Variants in PDE8A observed in about 807,000 individuals in gnomAD.
PDE8A encodes high affinity cAMP-specific and IBMX-insensitive 3',5'-cyclic phosphodiesterase 8A.
PDE8A carries 59 observed loss-of-function variants against 105.0 expected under a neutral mutation model. That is an observed-to-expected ratio of 0.56 (90% confidence interval 0.46 to 0.70). The LOEUF (loss-of-function observed/expected upper bound fraction) is 0.70. PDE8A is among the 30% of genes least tolerant of loss of function. The pLI is 0.00. For synonymous variants in PDE8A, 355 were observed against 371.9 expected, an observed-to-expected ratio of 0.95 and a Z score of 0.52; for missense variants, 1,014 against 1,045.9, an observed-to-expected ratio of 0.97 and a Z score of 0.42.
At position 85,121,620 on chromosome 15, in the gene PDE8A, A is replaced by C. The variant is rs995676816; in HGVS notation, c.1952+606A>C. Among the ~76,000 whole-genome samples, 3 of 149,160 alleles carry C rather than the reference A, an allele frequency of 2.0e-5. No homozygotes were observed. In the East Asian group the frequency reaches 6.2e-4, roughly 31 times the overall value. On this transcript the variant is annotated intron_variant, in intron 18 of 21. Transcript: ENST00000394553. ...ACAGTGCTTGGTACATACTAGAGCG[A>C]GACCCTGTCTCAAAATAATAATAAC...
At chr15:85,035,758 T>G (rs1313419700) in intron 1 of PDE8A, among the ~76,000 whole-genome samples, 1 of 152,256 alleles carries the variant, frequency 6.6e-6, no homozygotes, top group East Asian at 1.9e-4. Flanking sequence ...ATATATTTTG[T>G]TTTTGGAAGT....
intron 17 of PDE8A, 67 bp downstream of exon 17, chr15:85,117,906 T>A: frequency 8.1e-7 from 1 of 1,227,610 alleles, no homozygotes; most frequent in Non-Finnish European, 1.2e-6. Flanking sequence ...TGCTTCTGCC[T>A]CCACTAAGAT....
chr15:85,070,520 T>A (rs959567692), intron 3 of PDE8A, among the ~76,000 whole-genome samples: 19 of 152,148 alleles, frequency 1.2e-4, no homozygotes, highest in Non-Finnish European at 2.8e-4. Context: ...AAAGAGGGCT[T>A]CGCAAGAGGA....
chr15:85,107,546 G>C (rs1256091474), intron 11 of PDE8A, among the ~76,000 whole-genome samples: 1 of 152,206 alleles, frequency 6.6e-6, no homozygotes, highest in African/African-American at 2.4e-5. Context: ...ATAGACTGGA[G>C]GTGTTTAGGA....
chr15:84,993,375 A>G (rs1259663767), intron 1 of PDE8A, among the ~76,000 whole-genome samples: 4 of 145,586 alleles, frequency 2.7e-5, no homozygotes, highest in Non-Finnish European at 4.5e-5. Flanking sequence ...CCCAGGAGGC[A>G]GAGTTTGTAG....
chr15:85,103,329 G>A (rs534284366), intron 11 of PDE8A, among the ~76,000 whole-genome samples: 1 of 152,294 alleles, frequency 6.6e-6, no homozygotes, highest in African/African-American at 2.4e-5. Context: ...TTCGGCAGGG[G>A]GAGCATCTCC....
intron 18 of PDE8A, among the ~76,000 whole-genome samples, chr15:85,122,166 T>G (rs2082192704): frequency 6.6e-6 from 1 of 152,178 alleles, no homozygotes; most frequent in Non-Finnish European, 1.5e-5. Flanking sequence ...CCAGATTTCT[T>G]CGTAGCACGT....
chr15:85,116,204 A>G, intron 16 of PDE8A, 85 bp downstream of exon 16: 1 of 1,415,536 alleles, frequency 7.1e-7, no homozygotes, highest in Non-Finnish European at 9.8e-7. Context: ...TGGATTGTGC[A>G]CAAGCCTGGT....
At chr15:85,115,640 T>G (rs2082083864) in intron 15 of PDE8A, 153 bp downstream of exon 15, 1 of 563,902 alleles carries the variant, frequency 1.8e-6, no homozygotes, top group Admixed American at 3.7e-5. Flanking sequence ...GGTACTGTCC[T>G]CCCTAAGAAA....
intron 1 of PDE8A, among the ~76,000 whole-genome samples, chr15:85,007,921 G>T (rs1213274772): frequency 6.6e-6 from 1 of 152,144 alleles, no homozygotes; most frequent in African/African-American, 2.4e-5. Flanking sequence ...AGTGGAGTGG[G>T]GTTGGACTGC....
intron 1 of PDE8A, among the ~76,000 whole-genome samples, chr15:84,989,163 T>C (rs956445783): frequency 2.6e-5 from 4 of 152,218 alleles, no homozygotes; most frequent in African/African-American, 9.6e-5. Flanking sequence ...TAGAGTATCA[T>C]GTCAGAGAGC....
At chr15:85,008,604 G>A (rs2080187890) in intron 1 of PDE8A, among the ~76,000 whole-genome samples, 1 of 151,982 alleles carries the variant, frequency 6.6e-6, no homozygotes, top group Non-Finnish European at 1.5e-5. Context: ...ACCTTATCCT[G>A]GCTACCTGCC....
intron 1 of PDE8A, among the ~76,000 whole-genome samples, chr15:85,055,563 A>T (rs969871924): frequency 6.6e-6 from 1 of 152,154 alleles, no homozygotes; most frequent in Non-Finnish European, 1.5e-5. Flanking sequence ...ACCATTATGT[A>T]ATGGCTTTCT....
intron 8 of PDE8A, among the ~76,000 whole-genome samples, chr15:85,096,870 C>T (rs1285149997): frequency 6.6e-6 from 1 of 152,114 alleles, no homozygotes; most frequent in Non-Finnish European, 1.5e-5. Flanking sequence ...TTGATTCTAT[C>T]GGAGTATTCT....
At chr15:85,131,815 C>T (rs1354752259) in intron 20 of PDE8A, among the ~76,000 whole-genome samples, 1 of 152,110 alleles carries the variant, frequency 6.6e-6, no homozygotes, top group Non-Finnish European at 1.5e-5. Context: ...TTATGTTTAT[C>T]TAGGAATGTC....
intron 1 of PDE8A, among the ~76,000 whole-genome samples, chr15:85,035,003 A>G (rs765695927): frequency 1.3e-4 from 20 of 152,208 alleles, no homozygotes; most frequent in Non-Finnish European, 2.4e-4. Context: ...AGTAGCCTCT[A>G]CAAGGGGTAA....
intron 12 of PDE8A, among the ~76,000 whole-genome samples, chr15:85,112,780 A>AC (rs1306729654): frequency 6.6e-6 from 1 of 152,138 alleles, no homozygotes; most frequent in Non-Finnish European, 1.5e-5. Flanking sequence ...GCTTCTCCTC[A>AC]CCCCAAAGGA....
chr15:85,098,541 T>C (rs1357144403), intron 9 of PDE8A, among the ~76,000 whole-genome samples: 1 of 152,108 alleles, frequency 6.6e-6, no homozygotes, highest in Admixed American at 6.5e-5. Context: ...CAGAAACCTA[T>C]CTTAAAGAAA....
intron 2 of PDE8A, 37 bp downstream of exon 2, chr15:85,064,463 T>G (rs1414329486): frequency 7.0e-7 from 1 of 1,432,772 alleles, no homozygotes; most frequent in Non-Finnish European, 9.8e-7. Context: ...CACATGCTGA[T>G]TTTCTTTAAA....
Sources: allele counts gnomAD v4.1 joint callset (sites outside exome capture counted in the v4.1 genomes callset), GRCh38; gene constraint gnomAD v4.1.1; transcripts MANE v1.5; gene names NCBI Gene and HGNC (gene_info 2026-07-23, HGNC 2026-07-21).